Variants in PCDH9 observed in about 807,000 individuals in gnomAD.
The protein encoded by PCDH9 is protocadherin 9.
A neutral mutation model predicts 70.6 loss-of-function variants in PCDH9; 24 were observed. That is an observed-to-expected ratio of 0.34 (90% CI 0.25 to 0.48). The LOEUF (loss-of-function observed/expected upper bound fraction) is 0.48. PCDH9 is among the 20% of genes least tolerant of loss of function. The probability of loss-of-function intolerance (pLI) is 0.99; values close to 1 mark genes in which losing one functional copy is unlikely to be tolerated. For synonymous variants in PCDH9, 562 were observed against 558.5 expected, an observed-to-expected ratio of 1.01 and a Z score of -0.09; for missense variants, 1,281 against 1,503.6, an observed-to-expected ratio of 0.85 and a Z score of 2.45.
At chr13:67,130,392 T>C (rs2087082658) in intron 2 of PCDH9, among the ~76,000 whole-genome samples, 1 of 151,356 alleles carries the variant, frequency 6.6e-6, no homozygotes, top group African/African-American at 2.4e-5. Context: ...TTCTTCAGTG[T>C]TTTTTTTTAA....
intron 3 of PCDH9, among the ~76,000 whole-genome samples, chr13:66,848,837 A>C (rs2081259054): frequency 6.7e-6 from 1 of 149,062 alleles, no homozygotes; most frequent in Admixed American, 6.8e-5. Flanking sequence ...CTGAGGCAGG[A>C]GAATGGCGTG....
Position 67,225,531 on chromosome 13 carries a change from G to C in PCDH9, c.2910C>G (p.Asp970Glu), listed in dbSNP as rs1424100939. ...TGTCACAACCCCCAACAAAGGTGTT[G>C]TCCAAAGGGAGTTCCTGAATCACGT... ...KHHVIQELPL[D>E]NTFVGGCDTL... The change falls in exon 2 of 5, where the codon GAC (aspartate) becomes GAG (glutamate). Residue 970 changes from aspartate to glutamate, a missense_variant. Asp to Glu is a conservative substitution (Grantham distance 45). Coordinates refer to ENST00000377865, the MANE Select transcript of PCDH9 (RefSeq NM_203487.3). 6.2e-7 allele frequency: 1 copy of C among 1,613,970 alleles called. No individual in the cohort carries two copies. Among genetic ancestry groups the C allele is most frequent in the Non-Finnish European group, 8.5e-7 (1 of 1,179,992 alleles).
chr13:66,703,713 G>A (rs2078676392), intron 3 of PCDH9, among the ~76,000 whole-genome samples: 1 of 151,884 alleles, frequency 6.6e-6, no homozygotes, highest in Non-Finnish European at 1.5e-5. Flanking sequence ...TGGGCAACGT[G>A]GTGAGACCCC....
intron 3 of PCDH9, among the ~76,000 whole-genome samples, chr13:66,880,844 C>T (rs1018610986): frequency 1.3e-5 from 2 of 152,096 alleles, no homozygotes; most frequent in African/African-American, 4.8e-5. Context: ...AGAGCAATTG[C>T]TTATTGCTAG....
At chr13:66,395,967 G>T (rs925439024) in intron 4 of PCDH9, among the ~76,000 whole-genome samples, 8 of 152,156 alleles carry the variant, frequency 5.3e-5, no homozygotes, top group Admixed American at 1.3e-4. Flanking sequence ...GTGGAAGGAT[G>T]ATTTAAAAAG....
chr13:66,559,790 A>G (rs1340742627), intron 4 of PCDH9, among the ~76,000 whole-genome samples: 9 of 101,668 alleles, frequency 8.9e-5, no homozygotes, highest in African/African-American at 1.2e-4. Context: ...ACAGAGCAAG[A>G]CTCCATCTCA....
intron 2 of PCDH9, among the ~76,000 whole-genome samples, chr13:66,949,846 G>A (rs779416564): frequency 6.6e-6 from 1 of 151,970 alleles, no homozygotes; most frequent in Non-Finnish European, 1.5e-5. Context: ...TTCCAGTTCC[G>A]AGTAAATGGG....
intron 4 of PCDH9, among the ~76,000 whole-genome samples, chr13:66,309,822 T>C (rs1007202062): frequency 1.3e-5 from 2 of 151,850 alleles, no homozygotes; most frequent in African/African-American, 4.8e-5. Context: ...GGTGTGTTTG[T>C]GCATGTGTAA....
chr13:66,526,788 C>A (rs1006444152), intron 4 of PCDH9, among the ~76,000 whole-genome samples: 1 of 152,144 alleles, frequency 6.6e-6, no homozygotes, highest in African/African-American at 2.4e-5. Flanking sequence ...CTAAATTTAA[C>A]TATTTTTTAA....
chr13:66,845,879 A>G (rs1025084322), intron 3 of PCDH9, among the ~76,000 whole-genome samples: 20 of 152,204 alleles, frequency 1.3e-4, no homozygotes, highest in Non-Finnish European at 1.9e-4. Flanking sequence ...TACTAATAAT[A>G]AATAGTTACA....
intron 3 of PCDH9, among the ~76,000 whole-genome samples, chr13:66,700,425 T>C (rs1566513844): frequency 6.6e-6 from 1 of 152,152 alleles, no homozygotes. Flanking sequence ...GAGCCGTTGA[T>C]AAAACATGGG....
At chr13:66,372,798 G>A (rs1018084091) in intron 4 of PCDH9, among the ~76,000 whole-genome samples, 3 of 151,778 alleles carry the variant, frequency 2.0e-5, no homozygotes, top group African/African-American at 7.3e-5. Flanking sequence ...ATCACTGATT[G>A]GACATTAGGA....
intron 4 of PCDH9, among the ~76,000 whole-genome samples, chr13:66,461,672 A>G (rs528807816): frequency 6.6e-6 from 1 of 151,892 alleles, no homozygotes; most frequent in East Asian, 1.9e-4. Context: ...TCATTGTTTT[A>G]TGTATATGTA....
At chr13:66,572,706 T>A (rs73194743) in intron 4 of PCDH9, among the ~76,000 whole-genome samples, 1,760 of 152,166 alleles carry the variant, frequency 0.012, 17 homozygotes, top group Non-Finnish European at 0.019. Context: ...ATTGATCTCC[T>A]TTCTCTTGGA....
chr13:66,690,775 G>A (rs768449846), intron 3 of PCDH9, among the ~76,000 whole-genome samples: 1 of 152,062 alleles, frequency 6.6e-6, no homozygotes, highest in Non-Finnish European at 1.5e-5. Context: ...TCTTTCCACA[G>A]GAAAACATAT....
intron 4 of PCDH9, among the ~76,000 whole-genome samples, chr13:66,513,729 A>T (rs1301184967): frequency 6.6e-6 from 1 of 152,128 alleles, no homozygotes; most frequent in African/African-American, 2.4e-5. Context: ...TAAAAAAAAA[A>T]AAAGCCTGAA....
At position 67,226,900 on chromosome 13, in the gene PCDH9, A is replaced by T. The variant is rs2089888953; in HGVS notation, c.1541T>A (p.Phe514Tyr). ...TCCTGTTTTTCGGTCCAGATCAAAG[A>T]AGGAGGCATTCGGTCCAAGCTGATA... ...IVYQLGPNAS[F>Y]FDLDRKTGVL... The change falls in exon 2 of 5, where the codon TTC (phenylalanine) becomes TAC (tyrosine). Residue 514 changes from phenylalanine to tyrosine, a missense_variant. Physicochemically the swap from Phe to Tyr is conservative, Grantham distance 22. Around this residue, in one of 4 missense-constraint regions of PCDH9, gnomAD observed 798 missense variants for 1,003.1 expected, o/e 0.80. Coordinates refer to ENST00000377865, the MANE Select transcript of PCDH9 (RefSeq NM_203487.3). This position sits in a 1 kb window ranked among gnomAD's most constrained non-coding sequence, Gnocchi z 5.0. The T allele has an allele frequency of 1.2e-6, 2 of 1,614,060 alleles. No homozygotes were observed. Among genetic ancestry groups the T allele is most frequent in the Non-Finnish European group, 1.7e-6 (2 of 1,180,034 alleles).
intron 4 of PCDH9, among the ~76,000 whole-genome samples, chr13:66,467,875 G>T (rs1187787680): frequency 1.3e-5 from 2 of 151,958 alleles, no homozygotes; most frequent in Non-Finnish European, 2.9e-5. Flanking sequence ...ACTCACTCCA[G>T]TGAGGTTCCT....
intron 4 of PCDH9, among the ~76,000 whole-genome samples, chr13:66,628,512 AC>A (rs1443053316): frequency 6.6e-6 from 1 of 152,144 alleles, no homozygotes; most frequent in Non-Finnish European, 1.5e-5. Flanking sequence ...ACACACCCAC[AC>A]TTGAGGAAAA....
Sources: gnomAD v4.1 joint callset for allele counts (sites outside exome capture counted in the v4.1 genomes callset) on GRCh38, gnomAD v4.1.1 for gene constraint, gnomAD v4.1.1 regional missense constraint, Gnocchi (gnomAD v3.1) non-coding constraint, MANE v1.5 for transcripts, NCBI Gene and HGNC (gene_info 2026-07-23, HGNC 2026-07-21) for gene names.